UGT1A10: variants seen among roughly 807,000 people sequenced by gnomAD.
UGT1A10 encodes UDP glucuronosyltransferase family 1 member A10, also known as UDP-glucuronosyltransferase 1A10.
Under a neutral mutation model 45.8 loss-of-function variants are expected in UGT1A10, and 49 were observed. The observed-to-expected ratio is 1.07, with a 90% CI of 0.85 to 1.36. The LOEUF is 1.36. Ranked by LOEUF, UGT1A10 falls within the 40% of genes most tolerant of loss-of-function variation. The pLI, the probability that UGT1A10 is intolerant of heterozygous loss-of-function variation, is 0.00. For synonymous variants in UGT1A10, 284 were observed against 249.7 expected, an observed-to-expected ratio of 1.14 and a Z score of -1.29; for missense variants, 745 against 668.6, an observed-to-expected ratio of 1.11 and a Z score of -1.26.
In UGT1A10 at chr2:233,747,393, C is replaced by T. The variant is rs925567764; in HGVS notation, c.856-19641C>T. Reference sequence around the variant, plus strand: ...TGCCAGAGGCCACCAGGCGGTGGTCCTCACCCCAGAGGTGAATATGCACAT... The same window carrying T: ...TGCCAGAGGCCACCAGGCGGTGGTCTTCACCCCAGAGGTGAATATGCACAT... On this transcript the variant is annotated intron_variant, in intron 1 of 4. Transcript: ENST00000344644. 15 of 1,605,988 alleles carry T rather than the reference C, an allele frequency of 9.3e-6. No homozygotes were observed. The East Asian group carries it at 3.3e-4, about 36-fold the overall frequency.
At chr2:233,757,062 G>T (rs1469367274) in intron 1 of UGT1A10, among the ~76,000 whole-genome samples, 1 of 151,518 alleles carries the variant, frequency 6.6e-6, no homozygotes, top group African/African-American at 2.4e-5. Flanking sequence ...GAACAGCAAG[G>T]GATCCAGAAT....
chr2:233,681,891 A>G (rs1417339662), intron 1 of UGT1A10: 3 of 1,585,570 alleles, frequency 1.9e-6, no homozygotes, highest in Non-Finnish European at 2.6e-6. Context: ...TTACTATATT[A>G]TAGGAGCTTA....
At chr2:233,690,375 G>T in intron 1 of UGT1A10, 1 of 907,388 alleles carries the variant, frequency 1.1e-6, no homozygotes, top group Admixed American at 2.8e-5. Context: ...TCTCCATAGG[G>T]TCCACGTTTC....
At chr2:233,653,814 C>T (rs1250033043) in intron 1 of UGT1A10, among the ~76,000 whole-genome samples, 4 of 152,222 alleles carry the variant, frequency 2.6e-5, no homozygotes, top group Admixed American at 2.6e-4. Flanking sequence ...CCAGGTTGGT[C>T]TTGAACTCCT....
intron 1 of UGT1A10, chr2:233,753,144 A>G (rs1203903017): frequency 6.6e-6 from 1 of 152,210 alleles, no homozygotes; most frequent in Non-Finnish European, 1.5e-5. Context: ...ATCTTCACAC[A>G]TGTAAGTTCC....
chr2:233,746,806 G>C (rs1247555019), intron 1 of UGT1A10, among the ~76,000 whole-genome samples: 1 of 151,794 alleles, frequency 6.6e-6, no homozygotes, highest in African/African-American at 2.4e-5. Flanking sequence ...GCGTGAATGT[G>C]GATTGCCTAC....
intron 1 of UGT1A10, among the ~76,000 whole-genome samples, chr2:233,751,216 T>G (rs569696168): frequency 6.6e-6 from 1 of 152,100 alleles, no homozygotes; most frequent in East Asian, 1.9e-4. Flanking sequence ...CTTTAAGATT[T>G]AATGACTGCC....
intron 1 of UGT1A10, among the ~76,000 whole-genome samples, chr2:233,695,490 A>G (rs1163711980): frequency 2.0e-5 from 3 of 149,960 alleles, no homozygotes; most frequent in East Asian, 3.9e-4. Flanking sequence ...TCTCTTTTCT[A>G]TCAAAGTTTT....
At chr2:233,708,925 C>A (rs2076048288) in intron 1 of UGT1A10, among the ~76,000 whole-genome samples, 3 of 152,110 alleles carry the variant, frequency 2.0e-5, no homozygotes, top group Admixed American at 2.0e-4. Context: ...TGCTACAGAG[C>A]CAAACTATGT....
intron 1 of UGT1A10, 25 bp from the exon 2 acceptor site, chr2:233,767,005 TTAAC>T (rs753326341): frequency 3.7e-6 from 6 of 1,613,726 alleles, no homozygotes; most frequent in Non-Finnish European, 5.1e-6. Flanking sequence ...TGAGAAAAAA[TTAAC>T]TGAAAATTTT....
At chr2:233,650,460 G>C (rs2073711632) in intron 1 of UGT1A10, among the ~76,000 whole-genome samples, 1 of 152,212 alleles carries the variant, frequency 6.6e-6, no homozygotes, top group South Asian at 2.1e-4. Flanking sequence ...TTAATTGTCA[G>C]TCTTCTTCAG....
chr2:233,770,590 G>A (rs1203955957), intron 4 of UGT1A10: 2 of 151,878 alleles, frequency 1.3e-5, no homozygotes, highest in Non-Finnish European at 2.9e-5. Flanking sequence ...CCTGAGAGGC[G>A]GAGGTTGCAG....
In UGT1A10 at chr2:233,769,469, G is replaced by A. The variant is rs1360382156; in HGVS notation, c.1295+1030G>A. 6.2e-7 allele frequency: 1 copy of A among 1,610,132 alleles called. No homozygotes were observed. Among genetic ancestry groups the A allele is most frequent in the Non-Finnish European group, 8.5e-7 (1 of 1,177,710 alleles). On this transcript the variant is annotated intron_variant, in intron 4 of 4. Coordinates refer to ENST00000344644, the MANE Select transcript of UGT1A10 (RefSeq NM_019075.4). The surrounding 1 kb of genome is among the most constrained non-coding windows in gnomAD (Gnocchi z 4.4). Reference sequence around the variant, plus strand: ...CACACGTGTGCATTCATATGCGTGTGTGTGTGTGTGCGTGTGTTTATGAGA... The same window carrying A: ...CACACGTGTGCATTCATATGCGTGTATGTGTGTGTGCGTGTGTTTATGAGA...
chr2:233,744,064 T>G, intron 1 of UGT1A10: 1 of 560,044 alleles, frequency 1.8e-6, no homozygotes, highest in Non-Finnish European at 2.7e-6. Context: ...TCGAGGCCTA[T>G]GAGCGCCTCG....
intron 1 of UGT1A10, chr2:233,692,779 C>A: frequency 7.6e-7 from 1 of 1,320,382 alleles, no homozygotes; most frequent in Non-Finnish European, 9.8e-7. Flanking sequence ...CACCCAGAAG[C>A]TCAGGTGAAA....
intron 1 of UGT1A10, among the ~76,000 whole-genome samples, chr2:233,644,201 G>T (rs552597238): frequency 6.6e-6 from 1 of 152,308 alleles, no homozygotes; most frequent in African/African-American, 2.4e-5. Flanking sequence ...TTGGCCCTCG[G>T]TGGTGAGGTC....
chr2:233,681,865 T>C, intron 1 of UGT1A10: 2 of 1,535,100 alleles, frequency 1.3e-6, no homozygotes. Flanking sequence ...GCAGGTTCTA[T>C]CTGTACTTCT....
At chr2:233,748,060 A>G in intron 1 of UGT1A10, 2 of 1,613,404 alleles carry the variant, frequency 1.2e-6, no homozygotes, top group Non-Finnish European at 1.7e-6. Flanking sequence ...AACTGTGCCA[A>G]CAGGAAGCCA....
intron 1 of UGT1A10, among the ~76,000 whole-genome samples, chr2:233,642,298 G>A (rs773231686): frequency 6.6e-6 from 1 of 152,116 alleles, no homozygotes; most frequent in Non-Finnish European, 1.5e-5. Context: ...GCTATTAAAG[G>A]ACTTTGATGC....
Sources: allele counts gnomAD v4.1 joint callset (sites outside exome capture counted in the v4.1 genomes callset), GRCh38; gene constraint gnomAD v4.1.1; non-coding constraint Gnocchi (gnomAD v3.1); transcripts MANE v1.5; gene names NCBI Gene and HGNC (gene_info 2026-07-23, HGNC 2026-07-21).